Variants in FNIP2 observed in about 807,000 individuals in gnomAD.
The protein encoded by FNIP2 is folliculin interacting protein 2.
FNIP2 carries 32 observed loss-of-function variants against 108.7 expected under a neutral mutation model. The observed-to-expected ratio is 0.29, with a 90% CI of 0.22 to 0.40. The LOEUF is 0.40. Among genes scored for constraint, FNIP2 ranks in the 10% least tolerant of loss-of-function variants. The probability of loss-of-function intolerance (pLI) is 1.00; values close to 1 mark genes in which losing one functional copy is unlikely to be tolerated. For missense variants in FNIP2, 1,202 were observed against 1,381.6 expected, an observed-to-expected ratio of 0.87 and a Z score of 2.06; for synonymous variants, 480 against 496.7, an observed-to-expected ratio of 0.97 and a Z score of 0.45.
chr4:158,848,599 G>C (rs1440578822), intron 7 of FNIP2, among the ~76,000 whole-genome samples: 1 of 152,132 alleles, frequency 6.6e-6, no homozygotes, highest in East Asian at 1.9e-4. Flanking sequence ...AGACCATCCA[G>C]GATCACGTTA....
intron 12 of FNIP2, among the ~76,000 whole-genome samples, chr4:158,866,237 G>A (rs868834527): frequency 4.2e-4 from 1 of 2,362 alleles, no homozygotes; most frequent in African/African-American, 1.1e-3. Context: ...TTTTTTTTTT[G>A]AGACAGAGTC....
intron 2 of FNIP2, among the ~76,000 whole-genome samples, chr4:158,826,772 TAC>T (rs1778181830): frequency 6.6e-6 from 1 of 152,210 alleles, no homozygotes; most frequent in Non-Finnish European, 1.5e-5. Context: ...TTGGATATGA[TAC>T]CAGGGTACTT....
intron 1 of FNIP2, among the ~76,000 whole-genome samples, chr4:158,800,098 C>G (rs909908949): frequency 1.3e-5 from 2 of 152,110 alleles, no homozygotes; most frequent in African/African-American, 4.8e-5. Context: ...TCTTCTGGGC[C>G]GCTGTTTCGT....
In FNIP2 at chr4:158,880,258, C is replaced by A. The variant is rs1181391294; in HGVS notation, c.2949+9789C>A. ...CACATATACACTACGGAATACAATGCAGCCATAAAAAATGATGAGTTCATG... is the reference window on the plus strand; with the variant it reads ...CACATATACACTACGGAATACAATGAAGCCATAAAAAATGATGAGTTCATG... On this transcript the variant is annotated intron_variant, in intron 14 of 16. Transcript: ENST00000264433. Among the ~76,000 whole-genome samples, 5 of 152,130 alleles carry A rather than the reference C, an allele frequency of 3.3e-5. No individual in the cohort carries two copies. The South Asian group carries it at 8.3e-4, about 25-fold the overall frequency.
intron 1 of FNIP2, among the ~76,000 whole-genome samples, chr4:158,814,746 G>C (rs1777469762): frequency 6.6e-6 from 1 of 152,184 alleles, no homozygotes; most frequent in Admixed American, 6.5e-5. Flanking sequence ...GTGTTGAGAA[G>C]AAAGCTCAAT....
In FNIP2 at chr4:158,905,884, C is replaced by T. The variant is rs1272920496; in HGVS notation, c.*1340C>T. 3 of 152,132 alleles carry T rather than the reference C, an allele frequency of 2.0e-5. No individual in the cohort carries two copies. Among genetic ancestry groups the T allele is most frequent in the African/African-American group, 7.2e-5 (3 of 41,434 alleles). 9.4% of individuals were successfully genotyped at this position (152,132 alleles called of 1,614,324 possible). A position where few individuals can be genotyped will look rare whatever the true frequency, so the allele number is the denominator to read the frequency against. On this transcript the variant is annotated 3_prime_UTR_variant, in exon 17 of 17. Coordinates refer to ENST00000264433, the MANE Select transcript of FNIP2 (RefSeq NM_020840.3). ...ACTTTGCAGATCTCAAGCAGTTAAC[C>T]AGGCTCTGATTCCCTTCCACTGTTT...
rs79883198 is a variant in FNIP2 at position 158,771,400 on chromosome 4, C to T, written c.107+2081C>T. ...AATTCTAAGATGCTGTGTAGCTGGC[C>T]TGGGAAAAGCTTCCAGGAAAATTTT... On this transcript the variant is annotated intron_variant, in intron 1 of 16. Transcript: ENST00000264433. Among the ~76,000 whole-genome samples the T allele has an allele frequency of 5.9e-3, 901 of 152,268 alleles. 5 individuals carry two copies. The highest frequency in any genetic ancestry group is 0.02 in the African/African-American group (830 of 41,560).
At chr4:158,782,998 T>C (rs1175094859) in intron 1 of FNIP2, among the ~76,000 whole-genome samples, 2 of 152,248 alleles carry the variant, frequency 1.3e-5, no homozygotes, top group African/African-American at 4.8e-5. Flanking sequence ...CCAGTTTGTA[T>C]TGGACTTTGA....
Position 158,869,354 on chromosome 4 carries a change from T to A in FNIP2, c.2718T>A (p.Ala906=), listed in dbSNP as rs1417396782. The change falls in exon 13 of 17, where the codon GCT becomes GCA. Residue 906 remains alanine (A), a synonymous_variant. Coordinates refer to ENST00000264433, the MANE Select transcript of FNIP2 (RefSeq NM_020840.3). ...ALGDSDDEAC[A]SAMLDLGHGG... is the part of the protein sequence containing the mutation. The stretch of plus-strand genomic sequence containing the variant: ...GAGACAGTGACGACGAAGCCTGCGC[T>A]TCAGCCATGCTAGATCTGGGTCACG... The A allele has an allele frequency of 3.7e-6, 6 of 1,612,764 alleles. No homozygotes were observed. The Admixed American group carries it at 1.0e-4, about 27-fold the overall frequency.
chr4:158,802,304 C>A (rs1010609305), intron 1 of FNIP2, among the ~76,000 whole-genome samples: 1 of 152,164 alleles, frequency 6.6e-6, no homozygotes, highest in African/African-American at 2.4e-5. Context: ...AAACCTCCCC[C>A]ACTCCCTCCT....
In FNIP2 at chr4:158,769,323, A is replaced by G; in HGVS notation, c.107+4A>G. 6.7e-7 allele frequency: 1 copy of G among 1,485,620 alleles called. No homozygotes were observed. Among genetic ancestry groups the G allele is most frequent in the Non-Finnish European group, 8.9e-7 (1 of 1,117,724 alleles). The allele number at this position is 1,485,620 out of a possible 1,614,324, so 92.0% of individuals were successfully genotyped here. A position where few individuals can be genotyped will look rare whatever the true frequency, so the allele number is the denominator to read the frequency against. ...CTAAGGAAGGACCCGCCTTTAGGTG[A>G]GGGGGCGCCGGGGGGCAATTCTGGC... On this transcript the variant is annotated splice_donor_region_variant and intron_variant, in intron 1 of 16. Coordinates refer to ENST00000264433, the MANE Select transcript of FNIP2 (RefSeq NM_020840.3).
chr4:158,904,644 G>A lies in FNIP2; in HGVS notation c.*100G>A. ...CTGTGATGTCAAAAGCATGAGAAGAGCAAACAGAAACAGTCATTCCACCTT... is the reference window on the plus strand; with the variant it reads ...CTGTGATGTCAAAAGCATGAGAAGAACAAACAGAAACAGTCATTCCACCTT... On this transcript the variant is annotated 3_prime_UTR_variant, in exon 17 of 17. Transcript: ENST00000264433. 5.7e-6 allele frequency: 6 copies of A among 1,049,314 alleles called. No homozygotes were observed. The highest frequency in any genetic ancestry group is 8.6e-6 in the Non-Finnish European group (6 of 697,564). The allele number at this position is 1,049,314 out of a possible 1,614,324, so 65.0% of individuals were successfully genotyped here.
At chr4:158,810,393 C>T (rs544849723) in intron 1 of FNIP2, among the ~76,000 whole-genome samples, 1 of 152,268 alleles carries the variant, frequency 6.6e-6, no homozygotes, top group Admixed American at 6.5e-5. Flanking sequence ...TGTGGTCACA[C>T]GTTCTTCTGC....
chr4:158,829,762 G>A (rs1210673415), intron 3 of FNIP2, among the ~76,000 whole-genome samples: 1 of 151,906 alleles, frequency 6.6e-6, no homozygotes. Flanking sequence ...TAAGGTTATT[G>A]AGAAATATTG....
intron 1 of FNIP2, among the ~76,000 whole-genome samples, chr4:158,825,410 A>G (rs920205956): frequency 6.6e-6 from 1 of 152,196 alleles, no homozygotes; most frequent in East Asian, 1.9e-4. Context: ...TAATCGGGGA[A>G]GATAATAAAT....
At chr4:158,869,871 C>G (rs779800582) in intron 13 of FNIP2, among the ~76,000 whole-genome samples, 4 of 152,262 alleles carry the variant, frequency 2.6e-5, no homozygotes, top group Non-Finnish European at 5.9e-5. Context: ...AACAACACCT[C>G]TTTCTTAACA....
At chr4:158,855,504 A>G (rs898000860) in intron 8 of FNIP2, among the ~76,000 whole-genome samples, 4 of 152,000 alleles carry the variant, frequency 2.6e-5, no homozygotes, top group Non-Finnish European at 4.4e-5. Context: ...CTGGAGTGCA[A>G]TGGTGCAATC....
intron 7 of FNIP2, among the ~76,000 whole-genome samples, chr4:158,838,841 T>C (rs930559111): frequency 6.6e-6 from 1 of 152,200 alleles, no homozygotes; most frequent in Non-Finnish European, 1.5e-5. Flanking sequence ...AGGCTTCTCT[T>C]AGCTGTGGTG....
At chr4:158,833,674 T>C (rs766728754) in intron 6 of FNIP2, 46 bp downstream of exon 6, 9 of 1,519,822 alleles carry the variant, frequency 5.9e-6, no homozygotes, top group South Asian at 1.1e-5. Context: ...GAATACACTA[T>C]TGTGGGTGTG....
Sources: gnomAD v4.1 joint callset for allele counts (sites outside exome capture counted in the v4.1 genomes callset) on GRCh38, gnomAD v4.1.1 for gene constraint, MANE v1.5 for transcripts, NCBI Gene and HGNC (gene_info 2026-07-23, HGNC 2026-07-21) for gene names.